Variants in CTNNA3 observed in about 807,000 individuals in gnomAD.
CTNNA3 encodes catenin alpha-3.
Under a neutral mutation model 95.7 loss-of-function variants are expected in CTNNA3, and 76 were observed. The observed-to-expected ratio is 0.79, with a 90% CI of 0.66 to 0.96. CTNNA3 has a LOEUF of 0.96. Among genes scored for constraint, CTNNA3 ranks in the 40% least tolerant of loss-of-function variants. CTNNA3 has a pLI of 0.00. For synonymous variants in CTNNA3, 431 were observed against 374.4 expected, an observed-to-expected ratio of 1.15 and a Z score of -1.74; for missense variants, 1,191 against 1,089.8, an observed-to-expected ratio of 1.09 and a Z score of -1.31.
intron 10 of CTNNA3, among the ~76,000 whole-genome samples, chr10:66,532,652 A>G (rs1288163009): frequency 6.6e-6 from 1 of 152,200 alleles, no homozygotes; most frequent in Non-Finnish European, 1.5e-5. Flanking sequence ...GTTAGAGAGC[A>G]TAAGACAGGA....
At chr10:66,342,925 G>A (rs1348016973) in intron 12 of CTNNA3, among the ~76,000 whole-genome samples, 3 of 152,088 alleles carry the variant, frequency 2.0e-5, no homozygotes, top group Non-Finnish European at 4.4e-5. Flanking sequence ...GCAAAGGGCA[G>A]TAAGAATCTT....
intron 5 of CTNNA3, among the ~76,000 whole-genome samples, chr10:67,368,099 G>A (rs1275432936): frequency 1.3e-5 from 2 of 151,978 alleles, no homozygotes; most frequent in African/African-American, 2.4e-5. Flanking sequence ...AGTACACCAC[G>A]GAATGGGAGA....
chr10:66,933,197 C>A (rs980133626), intron 7 of CTNNA3, among the ~76,000 whole-genome samples: 1 of 152,214 alleles, frequency 6.6e-6, no homozygotes, highest in African/African-American at 2.4e-5. Context: ...GAACCCCAAG[C>A]CCATTTTACA....
intron 7 of CTNNA3, among the ~76,000 whole-genome samples, chr10:66,934,067 CAGAG>C (rs1847556453): frequency 6.6e-6 from 1 of 151,836 alleles, no homozygotes; most frequent in Non-Finnish European, 1.5e-5. Flanking sequence ...TCCAGGAACA[CAGAG>C]AGAACAGGAA....
At chr10:66,399,621 T>C (rs2093004690) in intron 11 of CTNNA3, among the ~76,000 whole-genome samples, 1 of 151,954 alleles carries the variant, frequency 6.6e-6, no homozygotes, top group Admixed American at 6.6e-5. Flanking sequence ...AAAGCCAAAA[T>C]GCAAAATTCC....
At chr10:66,468,053 A>T (rs1429447179) in intron 11 of CTNNA3, among the ~76,000 whole-genome samples, 1 of 152,032 alleles carries the variant, frequency 6.6e-6, no homozygotes, top group Non-Finnish European at 1.5e-5. Flanking sequence ...GCATTTACTA[A>T]ACGTATAACT....
intron 9 of CTNNA3, among the ~76,000 whole-genome samples, chr10:66,738,972 A>C (rs1020202192): frequency 6.6e-6 from 1 of 152,182 alleles, no homozygotes; most frequent in Non-Finnish European, 1.5e-5. Context: ...CAATCTCCAG[A>C]ATAGAGGAAG....
chr10:66,491,132 T>C (rs976785997), intron 11 of CTNNA3, among the ~76,000 whole-genome samples: 1 of 152,182 alleles, frequency 6.6e-6, no homozygotes, highest in Non-Finnish European at 1.5e-5. Flanking sequence ...AACTCAACCA[T>C]AGCCGCTGCA....
chr10:66,047,314 G>T (rs975698040), intron 15 of CTNNA3, among the ~76,000 whole-genome samples: 3 of 152,024 alleles, frequency 2.0e-5, no homozygotes, highest in East Asian at 1.9e-4. Context: ...GGGATGCAAG[G>T]TTGGTTCAAC....
At chr10:65,971,417 A>C (rs1298176372) in intron 16 of CTNNA3, among the ~76,000 whole-genome samples, 1 of 150,124 alleles carries the variant, frequency 6.7e-6, no homozygotes, top group Non-Finnish European at 1.5e-5. Flanking sequence ...GGATCGGTAG[A>C]CTGCTAGCTA....
intron 17 of CTNNA3, among the ~76,000 whole-genome samples, chr10:65,937,038 A>G (rs1014848395): frequency 6.6e-6 from 1 of 151,960 alleles, no homozygotes; most frequent in Non-Finnish European, 1.5e-5. Context: ...TATGCACTAT[A>G]TATAAACTTT....
intron 7 of CTNNA3, among the ~76,000 whole-genome samples, chr10:67,156,863 T>C (rs1446777155): frequency 6.6e-6 from 1 of 151,106 alleles, no homozygotes; most frequent in Non-Finnish European, 1.5e-5. Context: ...CTGTATGTTC[T>C]ACTCATACTG....
At chr10:66,806,180 G>T (rs1240952623) in intron 7 of CTNNA3, among the ~76,000 whole-genome samples, 2 of 151,690 alleles carry the variant, frequency 1.3e-5, no homozygotes, top group Non-Finnish European at 2.9e-5. Context: ...AATTTAAAAA[G>T]CATTAAATAC....
chr10:66,425,511 A>T (rs1280635534), intron 11 of CTNNA3, among the ~76,000 whole-genome samples: 1 of 151,980 alleles, frequency 6.6e-6, no homozygotes, highest in Non-Finnish European at 1.5e-5. Context: ...ACAGAGATTA[A>T]ATTTTAGTAT....
At chr10:66,873,795 G>A (rs1026707840) in intron 7 of CTNNA3, among the ~76,000 whole-genome samples, 2 of 152,054 alleles carry the variant, frequency 1.3e-5, no homozygotes, top group African/African-American at 2.4e-5. Context: ...TAAGACTTCA[G>A]GCTATTAAAA....
chr10:67,701,920 G>C (rs1446303301), intron 1 of CTNNA3, among the ~76,000 whole-genome samples: 1 of 152,100 alleles, frequency 6.6e-6, no homozygotes, highest in Non-Finnish European at 1.5e-5. Flanking sequence ...AAAATAAAAG[G>C]ATGGAGGAAG....
chr10:66,851,637 C>CACAA (rs2132382866), intron 7 of CTNNA3, among the ~76,000 whole-genome samples: 1 of 28,362 alleles, frequency 3.5e-5, no homozygotes, highest in African/African-American at 1.7e-4. Flanking sequence ...CTCACATACA[C>CACAA]ACACACACAC....
chr10:67,189,738 A>C (rs1311204142), intron 6 of CTNNA3, among the ~76,000 whole-genome samples: 1 of 152,162 alleles, frequency 6.6e-6, no homozygotes. Flanking sequence ...AAACTTGAAA[A>C]CAAGTCAAAG....
At chr10:65,946,783 C>T (rs970812826) in intron 17 of CTNNA3, among the ~76,000 whole-genome samples, 6 of 152,088 alleles carry the variant, frequency 3.9e-5, no homozygotes, top group African/African-American at 1.4e-4. Flanking sequence ...ATATAATGGG[C>T]TGTTGTACCC....
Sources: gnomAD v4.1 joint callset for allele counts (sites outside exome capture counted in the v4.1 genomes callset) on GRCh38, gnomAD v4.1.1 for gene constraint, MANE v1.5 for transcripts, NCBI Gene and HGNC (gene_info 2026-07-23, HGNC 2026-07-21) for gene names.